The following NAV1 variants were observed in gnomAD, a reference collection of about 807,000 sequenced individuals.
The protein encoded by NAV1 is pore membrane and/or filament interacting like protein 3.
NAV1 carries 18 observed loss-of-function variants against 175.2 expected under a neutral mutation model. The observed-to-expected ratio is 0.10, with a 90% confidence interval of 0.07 to 0.15. The LOEUF (loss-of-function observed/expected upper bound fraction) is 0.15. Among genes scored for constraint, NAV1 ranks in the 10% least tolerant of loss-of-function variants. The probability of loss-of-function intolerance (pLI) is 1.00; values close to 1 mark genes in which losing one functional copy is unlikely to be tolerated. For missense variants in NAV1, 1,731 were observed against 2,436.6 expected, an observed-to-expected ratio of 0.71 and a Z score of 6.10; for synonymous variants, 897 against 978.7, an observed-to-expected ratio of 0.92 and a Z score of 1.56.
intron 3 of NAV1, among the ~76,000 whole-genome samples, chr1:201,762,033 G>A (rs1053593028): frequency 6.6e-6 from 1 of 152,076 alleles, no homozygotes. Context: ...GGTGGCACCC[G>A]CATGTAGTCC....
chr1:201,763,282 G>A (rs772061567), intron 3 of NAV1, among the ~76,000 whole-genome samples: 4 of 152,186 alleles, frequency 2.6e-5, no homozygotes, highest in Admixed American at 6.5e-5. Context: ...TAGTAATAGC[G>A]ACTAGTAGAG....
rs150470877 is a variant in NAV1 at position 201,680,471 on chromosome 1, A to T, written c.757+31046A>T. On this transcript the variant is annotated intron_variant, in intron 1 of 29. Coordinates refer to ENST00000367296, the Ensembl canonical transcript of NAV1. ...TGGTGAGCCGAGATCGCGCCATTGC[A>T]CTCCAGCCTGGGCAACAAGAGAGAA... is the stretch of plus-strand genomic sequence containing the variant. Among the ~76,000 whole-genome samples the T allele has an allele frequency of 7.0e-3, 1,066 of 152,218 alleles. 10 individuals carry two copies. Among genetic ancestry groups the T allele is most frequent in the African/African-American group, 0.025 (1,021 of 41,520 alleles).
chr1:201,731,085 A>T (rs1672838948), intron 3 of NAV1, among the ~76,000 whole-genome samples: 1 of 152,142 alleles, frequency 6.6e-6, no homozygotes, highest in Admixed American at 6.5e-5. Flanking sequence ...CCGAAAGCAC[A>T]TAGCTACATT....
At chr1:201,621,307 A>T (rs1220073148), upstream of NAV1, among the ~76,000 whole-genome samples, 1 of 139,324 alleles carries the variant, frequency 7.2e-6, no homozygotes, top group Non-Finnish European at 1.6e-5. Context: ...TGTTTTTCAT[A>T]CTTGTTGCAA....
At chr1:201,574,309 C>T (rs1240383923) in intron 1 of NAV1, among the ~76,000 whole-genome samples, 2 of 152,124 alleles carry the variant, frequency 1.3e-5, no homozygotes, top group Non-Finnish European at 2.9e-5. Flanking sequence ...ACGAGAGAGA[C>T]ATTCATTCTC....
At chr1:201,616,262 C>G (rs139035660) in intron 2 of NAV1, among the ~76,000 whole-genome samples, 20 of 152,264 alleles carry the variant, frequency 1.3e-4, no homozygotes, top group Non-Finnish European at 2.6e-4. Context: ...AGAGTATATT[C>G]TTTAACCACT....
At chr1:201,593,217 A>C (rs1667254393) in intron 2 of NAV1, among the ~76,000 whole-genome samples, 1 of 152,104 alleles carries the variant, frequency 6.6e-6, no homozygotes, top group Admixed American at 6.6e-5. Flanking sequence ...TAGGTAACTG[A>C]TGCCTTTTCC....
Position 201,782,204 on chromosome 1 carries a change from G to A in NAV1, c.1692G>A (p.Lys564=). ...AACCTGAGGGCAAAGCTACAGACAA[G>A]GGTAAGCTTGCAGTGAAGAATACTG... The change falls in exon 6 of 30, where the codon AAG becomes AAA. Residue 564 remains lysine (K), a synonymous_variant. Coordinates refer to ENST00000367296, the Ensembl canonical transcript of NAV1. This position sits in a 1 kb window ranked among gnomAD's most constrained non-coding sequence, Gnocchi z 5.4. 1 of 1,607,232 alleles carries A rather than the reference G, an allele frequency of 6.2e-7. No homozygotes were observed.
intron 2 of NAV1, among the ~76,000 whole-genome samples, chr1:201,590,416 T>C (rs1163143357): frequency 6.6e-6 from 1 of 152,238 alleles, no homozygotes; most frequent in African/African-American, 2.4e-5. Context: ...TTTTGGCAGC[T>C]TTATCTAGGT....
intron 1 of NAV1, among the ~76,000 whole-genome samples, chr1:201,564,935 C>A (rs1045390798): frequency 6.6e-6 from 1 of 152,240 alleles, no homozygotes; most frequent in African/African-American, 2.4e-5. Context: ...TGCTTCTCTG[C>A]AGCTAGGAAA....
At chr1:201,619,045 T>G (rs1668080886), upstream of NAV1, among the ~76,000 whole-genome samples, 1 of 152,080 alleles carries the variant, frequency 6.6e-6, no homozygotes, top group African/African-American at 2.4e-5. Flanking sequence ...CCAGTCTAGA[T>G]GAGGGCTATC....
intron 3 of NAV1, among the ~76,000 whole-genome samples, chr1:201,768,639 A>G (rs1170462579): frequency 7.9e-6 from 1 of 127,108 alleles, no homozygotes; most frequent in Non-Finnish European, 1.7e-5. Context: ...TCTTGTCTCA[A>G]TTAAAAAAAA....
chr1:201,577,066 C>T (rs1666711339), intron 1 of NAV1, among the ~76,000 whole-genome samples: 1 of 152,166 alleles, frequency 6.6e-6, no homozygotes, highest in Admixed American at 6.5e-5. Flanking sequence ...TCACAGCTCA[C>T]AACCTCAACC....
In NAV1 at chr1:201,780,650, C is replaced by G. The variant is rs116041086; in HGVS notation, c.1365+91C>G. ...TGTGTATGGGGTTGCACGTACACAC[C>G]CACTCCATGGGATTGGTTCTCATAG... On this transcript the variant is annotated intron_variant, in intron 4 of 29. Coordinates refer to ENST00000367296, the Ensembl canonical transcript of NAV1. 9.0e-3 allele frequency: 13,703 copies of G among 1,515,496 alleles called. 87 individuals carry two copies. The highest frequency in any genetic ancestry group is 0.011 in the Non-Finnish European group (12,034 of 1,101,596). 93.9% of individuals were successfully genotyped at this position (1,515,496 alleles called of 1,614,324 possible). A position where few individuals can be genotyped will look rare whatever the true frequency, so the allele number is the denominator to read the frequency against.
At chr1:201,761,992 A>G (rs1674887113) in intron 3 of NAV1, among the ~76,000 whole-genome samples, 1 of 151,234 alleles carries the variant, frequency 6.6e-6, no homozygotes, top group South Asian at 2.1e-4. Flanking sequence ...GTCTCTACAA[A>G]AAAATTAAAA....
At chr1:201,781,412 T>C (rs1334576564) in intron 5 of NAV1, 103 bp downstream of exon 9, 5 of 1,188,670 alleles carry the variant, frequency 4.2e-6, no homozygotes, top group East Asian at 5.1e-5. Context: ...AACATTTGCA[T>C]AGTGCTTTAA....
exon 7 of NAV1, chr1:201,783,669 T>G: frequency 6.2e-7 from 1 of 1,614,224 alleles, no homozygotes; most frequent in Non-Finnish European, 8.5e-7. Flanking sequence ...GAGACCCGCA[T>G]GTACCCCAAA....
At position 201,794,453 on chromosome 1, in the gene NAV1, A is replaced by C. The variant is rs552912404; in HGVS notation, c.3406-13A>C. 3.7e-6 allele frequency: 6 copies of C among 1,609,062 alleles called. No homozygotes were observed. The East Asian group carries it at 8.9e-5, about 24-fold the overall frequency. On this transcript the variant is annotated splice_polypyrimidine_tract_variant and intron_variant, in intron 14 of 29. Transcript: ENST00000367296. ...ACCGTGCCCAGCCAACGCTATTTTCATTTCTCTCTTAGGACACTGAGCTGC... is the reference window on the plus strand; with the variant it reads ...ACCGTGCCCAGCCAACGCTATTTTCCTTTCTCTCTTAGGACACTGAGCTGC...
At position 201,782,364 on chromosome 1, in the gene NAV1, A is replaced by C. The variant is rs1246296328; in HGVS notation, c.1852A>C (p.Thr618Pro). The C allele has an allele frequency of 6.2e-7, 1 of 1,613,976 alleles. No individual in the cohort carries two copies. Among genetic ancestry groups the C allele is most frequent in the African/African-American group, 1.3e-5 (1 of 74,914 alleles). ...GCCTCCTCCTGCCACAGGCACAGCC[A>C]CTGTCATGCAAACTGGTGGTTCAGC... is the stretch of plus-strand genomic sequence containing the variant. Residue 618 changes from threonine to proline, a missense_variant, in exon 6 of 30, where the codon ACT (threonine) becomes CCT (proline). By Grantham distance (38) the Thr-to-Pro change is conservative. Coordinates refer to ENST00000367296, the Ensembl canonical transcript of NAV1. This position sits in a 1 kb window ranked among gnomAD's most constrained non-coding sequence, Gnocchi z 5.4.
Sources: allele counts gnomAD v4.1 joint callset (sites outside exome capture counted in the v4.1 genomes callset), GRCh38; gene constraint gnomAD v4.1.1; non-coding constraint Gnocchi (gnomAD v3.1); transcripts MANE v1.5; gene names NCBI Gene and HGNC (gene_info 2026-07-23, HGNC 2026-07-21).